NSMF: variants seen among roughly 807,000 people sequenced by gnomAD.
The protein encoded by NSMF is nasal embryonic LHRH factor.
In NSMF, 31 loss-of-function variants were observed where a neutral mutation model predicts 71.0. The ratio of observed to expected loss-of-function variants is 0.44; its 90% CI spans 0.33 to 0.59. NSMF has a LOEUF of 0.59. Among genes scored for constraint, NSMF ranks in the 20% least tolerant of loss-of-function variants. NSMF has a pLI of 0.04. For synonymous variants in NSMF, 345 were observed against 287.1 expected, an observed-to-expected ratio of 1.20 and a Z score of -2.04; for missense variants, 673 against 740.5, an observed-to-expected ratio of 0.91 and a Z score of 1.06.
At position 137,457,869 on chromosome 9, in the gene NSMF, C is replaced by T. The variant is rs1246466109; in HGVS notation, c.166G>A (p.Asp56Asn). 14 of 1,548,650 alleles carry T rather than the reference C, an allele frequency of 9.0e-6. No individual in the cohort carries two copies. Among genetic ancestry groups the T allele is most frequent in the Non-Finnish European group, 1.2e-5 (14 of 1,149,028 alleles). Residue 56 changes from aspartate (D) to asparagine (N), a missense_variant, in exon 3 of 16, where the codon GAC becomes AAC. Physicochemically the swap from Asp to Asn is conservative, Grantham distance 23 (BLOSUM62 1). Around this residue, in one of 2 missense-constraint regions of NSMF, gnomAD observed 471 missense variants for 459.6 expected, o/e 1.02. Coordinates refer to ENST00000371475, the MANE Select transcript of NSMF (RefSeq NM_001130969.3). ...HLLADAYSGHDGSPEMQPAPQ... is the reference protein window; with the variant it reads ...HLLADAYSGHNGSPEMQPAPQ... ...GCCGGCTGCATCTCGGGGGACCCGTCGTGGCCAGAGTAGGCATCAGCCAGC... is the reference window on the plus strand; with the variant it reads ...GCCGGCTGCATCTCGGGGGACCCGTTGTGGCCAGAGTAGGCATCAGCCAGC...
chr9:137,455,508 C>G (rs1025639831), intron 5 of NSMF, 121 bp downstream of exon 5: 1 of 1,280,998 alleles, frequency 7.8e-7, no homozygotes, highest in Admixed American at 2.0e-5. Context: ...GAGCCAGGCC[C>G]GCAGAGAGCG....
chr9:137,452,461 G>T (rs994328342), intron 11 of NSMF, 26 bp from the exon 12 acceptor site: 7 of 1,611,920 alleles, frequency 4.3e-6, no homozygotes, highest in Non-Finnish European at 5.9e-6. Context: ...TGTGAGTGCT[G>T]CGGCCCCCAC....
rs987343477 is a variant in NSMF, at chr9:137,448,974, T to C, written c.*420A>G. 17 of 324,032 alleles carry C rather than the reference T, an allele frequency of 5.2e-5. No homozygotes were observed. Among genetic ancestry groups the C allele is most frequent in the African/African-American group, 2.4e-4 (11 of 46,338 alleles). 20.1% of individuals were successfully genotyped at this position (324,032 alleles called of 1,614,324 possible). A position where few individuals can be genotyped will look rare whatever the true frequency, so the allele number is the denominator to read the frequency against. On this transcript the variant is annotated 3_prime_UTR_variant, in exon 16 of 16. Coordinates refer to ENST00000371475, the MANE Select transcript of NSMF (RefSeq NM_001130969.3). The surrounding 1 kb of genome is among the most constrained non-coding windows in gnomAD (Gnocchi z 5.3). ...CCTGAACACATGTGGGCTGCTGGGC[T>C]GCTGGGCCGGGGTGCCTACACTGTA...
At chr9:137,451,180 G>A (rs1200515683) in intron 12 of NSMF, among the ~76,000 whole-genome samples, 1 of 9,794 alleles carries the variant, frequency 1.0e-4, no homozygotes, top group Non-Finnish European at 2.1e-4. Flanking sequence ...CTTCCCCTTG[G>A]TCTTCCCCAC....
At chr9:137,456,145 C>G (rs1293217733) in intron 4 of NSMF, among the ~76,000 whole-genome samples, 1 of 152,150 alleles carries the variant, frequency 6.6e-6, no homozygotes, top group Non-Finnish European at 1.5e-5. Context: ...CTGCCACACC[C>G]CACACCCCAC....
In NSMF at chr9:137,453,379, G is replaced by T; in HGVS notation, c.923-199C>A. The T allele has an allele frequency of 1.4e-6, 1 of 719,264 alleles. No individual in the cohort carries two copies. Among genetic ancestry groups the T allele is most frequent in the Non-Finnish European group, 2.3e-6 (1 of 441,480 alleles). The allele number at this position is 719,264 out of a possible 1,614,324, so 44.6% of individuals were successfully genotyped here. On this transcript the variant is annotated intron_variant, in intron 8 of 15. Transcript: ENST00000371475. The surrounding 1 kb of genome is among the most constrained non-coding windows in gnomAD (Gnocchi z 4.5). Reference sequence around the variant, plus strand: ...GGCAGCGGCCTGATGTGGGAAGGGAGACCCTGGTGCGAGGCCGGTGGAAGG... The same window carrying T: ...GGCAGCGGCCTGATGTGGGAAGGGATACCCTGGTGCGAGGCCGGTGGAAGG...
At position 137,450,394 on chromosome 9, in the gene NSMF, C is replaced by T. The variant is rs569782285; in HGVS notation, c.1237-139G>A. 47 of 692,812 alleles carry T rather than the reference C, an allele frequency of 6.8e-5. 1 individual carries two copies. The highest frequency in any genetic ancestry group is 1.0e-4 in the Admixed American group (5 of 49,148). The allele number at this position is 692,812 out of a possible 1,614,324, so 42.9% of individuals were successfully genotyped here. A position where few individuals can be genotyped will look rare whatever the true frequency, so the allele number is the denominator to read the frequency against. ...CTTCCCCTTGATCTCCCCCACCACA[C>T]GTCTTTCCCTTGATCTCCCCCACCA... On this transcript the variant is annotated intron_variant, in intron 12 of 15. Coordinates refer to ENST00000371475, the MANE Select transcript of NSMF (RefSeq NM_001130969.3).
chr9:137,452,484 G>T, intron 11 of NSMF, 49 bp from the exon 12 acceptor site: 1 of 1,611,978 alleles, frequency 6.2e-7, no homozygotes, highest in Non-Finnish European at 8.5e-7. Flanking sequence ...CAGCCCCAGG[G>T]GCACCCCCAC....
Position 137,452,824 on chromosome 9 carries a change from G to A in NSMF, c.1048-5C>T, listed in dbSNP as rs767830617. 32 of 1,597,060 alleles carry A rather than the reference G, an allele frequency of 2.0e-5. No individual in the cohort carries two copies. The highest frequency in any genetic ancestry group is 3.4e-5 in the South Asian group (3 of 88,742). On this transcript the variant is annotated splice_polypyrimidine_tract_variant and splice_region_variant and intron_variant, in intron 9 of 15. Coordinates refer to ENST00000371475, the MANE Select transcript of NSMF (RefSeq NM_001130969.3). The stretch of plus-strand genomic sequence containing the variant: ...GGGCACCTTGGAGGAAATGAGCTGC[G>A]GAGACAAAGAGCTGCTCAGGGGCCC...
In NSMF at chr9:137,453,804, G is replaced by C. The variant is rs771525401; in HGVS notation, c.849C>G (p.Arg283=). ...RVKAQTFAER[R]ERSFSRSWSD... ...TCCAGGACCGGCTGAAGCTCCGCTC[G>C]CGCCGCTCAGCGAACGCTGCAGAGA... Residue 283 remains arginine, a synonymous_variant, in exon 8 of 16, where the codon CGC becomes CGG. Coordinates refer to ENST00000371475, the MANE Select transcript of NSMF (RefSeq NM_001130969.3). The surrounding 1 kb of genome is among the most constrained non-coding windows in gnomAD (Gnocchi z 4.5). 1 of 1,593,630 alleles carries C rather than the reference G, an allele frequency of 6.3e-7. No individual in the cohort carries two copies. The highest frequency in any genetic ancestry group is 8.5e-7 in the Non-Finnish European group (1 of 1,176,366).
chr9:137,458,447 G>A, intron 2 of NSMF, 41 bp downstream of exon 2: 2 of 1,525,824 alleles, frequency 1.3e-6, no homozygotes, highest in Non-Finnish European at 1.8e-6. Context: ...CCTTGGGCTG[G>A]GGGGTCTGGG....
rs1588515689 is a variant in NSMF at position 137,459,237 on chromosome 9, T to C, written c.-135A>G. 5 of 581,806 alleles carry C rather than the reference T, an allele frequency of 8.6e-6. No individual in the cohort carries two copies. The highest frequency in any genetic ancestry group is 1.1e-4 in the East Asian group (1 of 9,198). 36.0% of individuals were successfully genotyped at this position (581,806 alleles called of 1,614,324 possible). A position where few individuals can be genotyped will look rare whatever the true frequency, so the allele number is the denominator to read the frequency against. On this transcript the variant is annotated 5_prime_UTR_variant, in exon 1 of 16. Coordinates refer to ENST00000371475, the MANE Select transcript of NSMF (RefSeq NM_001130969.3). The stretch of plus-strand genomic sequence containing the variant: ...TCTCGCTCGGGCTCCGGCTCGGGCT[T>C]GGGCTCGGGGTCGGGCTCGGGGTCG...
In NSMF at chr9:137,458,499, C is replaced by T. The variant is rs989048174; in HGVS notation, c.122G>A (p.Arg41His). 5 of 1,592,542 alleles carry T rather than the reference C, an allele frequency of 3.1e-6. No homozygotes were observed. Among genetic ancestry groups the T allele is most frequent in the South Asian group, 1.1e-5 (1 of 88,298 alleles). ...TCGCGTGCCCCTACCTGCGCCGTTG[C>T]GGTTCTCAGGGTGACTCTGGGACAG... ...EYLSQSHPEN[R>H]NGADHLLADA... The change falls in exon 2 of 16, where the codon CGC (arginine) becomes CAC (histidine). Residue 41 changes from arginine (R) to histidine (H), a missense_variant. Physicochemically the swap from Arg to His is conservative, Grantham distance 29. Transcript: ENST00000371475.
At position 137,454,828 on chromosome 9, in the gene NSMF, A is replaced by G. The variant is rs73668302; in HGVS notation, c.780-385T>C. ...GCGGGGCTCCTGTCTGCACCACCCCATGGCGGGCTGGGGGCCTGCAGGAGC... is the reference window on the plus strand; with the variant it reads ...GCGGGGCTCCTGTCTGCACCACCCCGTGGCGGGCTGGGGGCCTGCAGGAGC... On this transcript the variant is annotated intron_variant, in intron 6 of 15. Transcript: ENST00000371475. 1.4e-3 allele frequency: 1,714 copies of G among 1,204,046 alleles called. 13 individuals are homozygous for G. The African/African-American group carries it at 0.015, about 10-fold the overall frequency. 74.6% of individuals were successfully genotyped at this position (1,204,046 alleles called of 1,614,324 possible).
At chr9:137,454,477 T>A in intron 6 of NSMF, 34 bp from the exon 7 acceptor site, 1 of 1,549,840 alleles carries the variant, frequency 6.5e-7, no homozygotes, top group Non-Finnish European at 8.7e-7. Flanking sequence ...AAGAGGGCCG[T>A]GAGAGGGTGA....
Position 137,458,554 on chromosome 9 carries a change from G to A in NSMF, c.72-5C>T. On this transcript the variant is annotated splice_polypyrimidine_tract_variant and splice_region_variant and intron_variant, in intron 1 of 15. Transcript: ENST00000371475. The stretch of plus-strand genomic sequence containing the variant: ...TCTCCAAACGCTCGGGCTGCTCTGA[G>A]GGTGGACAGAGGGCACGGTCAGAGG... 1 of 1,593,572 alleles carries A rather than the reference G, an allele frequency of 6.3e-7. No individual in the cohort carries two copies. The highest frequency in any genetic ancestry group is 1.3e-5 in the African/African-American group (1 of 74,498).
rs983107460 is a variant in NSMF, at chr9:137,456,482, G to A, written c.633C>T (p.Asp211=). ...RMYSVDRVSD[D]IPIRTWFPKE... ...TGGGGAACCAGGTACGAATAGGGAT[G>A]TCGTCTAAGAGAGACAAAAAGGAGC... The change falls in exon 4 of 16, where the codon GAC becomes GAT. Residue 211 remains aspartate, a synonymous_variant. Transcript: ENST00000371475. 3.7e-6 allele frequency: 6 copies of A among 1,611,026 alleles called. No homozygotes were observed. The highest frequency in any genetic ancestry group is 4.5e-5 in the East Asian group (2 of 44,870).
At chr9:137,458,255 A>C (rs757539149) in intron 2 of NSMF, among the ~76,000 whole-genome samples, 2 of 152,134 alleles carry the variant, frequency 1.3e-5, no homozygotes, top group Non-Finnish European at 2.9e-5. Flanking sequence ...GGGAGCCAGG[A>C]GGCCTGTTGC....
chr9:137,449,558 C>G (rs41297241), intron 15 of NSMF, 41 bp downstream of exon 15: 1 of 1,610,802 alleles, frequency 6.2e-7, no homozygotes, highest in African/African-American at 1.3e-5. Flanking sequence ...ACCGTGGCCC[C>G]GCAGTGGCTG....
Sources: gnomAD v4.1 joint callset for allele counts (sites outside exome capture counted in the v4.1 genomes callset) on GRCh38, gnomAD v4.1.1 for gene constraint, gnomAD v4.1.1 regional missense constraint, Gnocchi (gnomAD v3.1) non-coding constraint, MANE v1.5 for transcripts, NCBI Gene and HGNC (gene_info 2026-07-23, HGNC 2026-07-21) for gene names.